PPM1L: variants seen among roughly 807,000 people sequenced by gnomAD.
The protein encoded by PPM1L is protein phosphatase 1L.
PPM1L carries 13 observed loss-of-function variants against 31.4 expected under a neutral mutation model. That is an observed-to-expected ratio of 0.41 (90% CI 0.27 to 0.66). The LOEUF is 0.66. Ranked by LOEUF, PPM1L falls within the 30% of genes least tolerant of loss-of-function variation. The pLI, the probability that PPM1L is intolerant of heterozygous loss-of-function variation, is 0.29. For synonymous variants in PPM1L, 184 were observed against 175.4 expected (o/e 1.05, Z -0.39); for missense variants, 326 against 453.7 (o/e 0.72, Z 2.56).
intron 1 of PPM1L, among the ~76,000 whole-genome samples, chr3:160,757,370 G>A (rs560622662): frequency 1.3e-5 from 2 of 152,392 alleles, no homozygotes; most frequent in African/African-American, 4.8e-5. Context: ...CCTTTGCAGA[G>A]GTGGCTATGC....
intron 1 of PPM1L, among the ~76,000 whole-genome samples, chr3:160,925,487 G>A (rs1009371796): frequency 3.3e-5 from 5 of 152,118 alleles, no homozygotes; most frequent in African/African-American, 1.2e-4. Context: ...ACAAAATTTA[G>A]AGTCTTGGAT....
intron 1 of PPM1L, among the ~76,000 whole-genome samples, chr3:160,916,764 AT>A (rs1714198602): frequency 6.6e-6 from 1 of 151,558 alleles, no homozygotes; most frequent in Admixed American, 6.6e-5. Flanking sequence ...TTCTTATTCC[AT>A]TTCTAGGTAT....
At chr3:160,941,445 G>A (rs1288892145) in intron 1 of PPM1L, among the ~76,000 whole-genome samples, 2 of 152,154 alleles carry the variant, frequency 1.3e-5, no homozygotes, top group African/African-American at 2.4e-5. Flanking sequence ...TTGTGAGAGG[G>A]ACCCCGCAGA....
At chr3:160,858,851 GT>G (rs1560128864) in intron 1 of PPM1L, among the ~76,000 whole-genome samples, 1 of 152,120 alleles carries the variant, frequency 6.6e-6, no homozygotes, top group Non-Finnish European at 1.5e-5. Context: ...GTAGACACTT[GT>G]TTTTTCTGCT....
intron 1 of PPM1L, among the ~76,000 whole-genome samples, chr3:160,865,033 A>G (rs926904894): frequency 2.6e-5 from 4 of 152,050 alleles, no homozygotes; most frequent in African/African-American, 9.7e-5. Context: ...ATGGTTTTTG[A>G]AAAAACAAAA....
intron 2 of PPM1L, among the ~76,000 whole-genome samples, chr3:160,963,901 C>A (rs1247407416): frequency 6.6e-6 from 1 of 151,982 alleles, no homozygotes; most frequent in African/African-American, 2.4e-5. Flanking sequence ...TAGAAATAAA[C>A]ACAAGATTGA....
chr3:160,773,840 T>G (rs1711504191), intron 1 of PPM1L, among the ~76,000 whole-genome samples: 1 of 152,158 alleles, frequency 6.6e-6, no homozygotes, highest in African/African-American at 2.4e-5. Flanking sequence ...ACCACCTCTC[T>G]TCCAGAGACT....
chr3:160,833,408 C>T (rs112792797), intron 1 of PPM1L, among the ~76,000 whole-genome samples: 4,643 of 152,222 alleles, frequency 0.031, 218 homozygotes, highest in African/African-American at 0.11. Context: ...AGTGTAAAAG[C>T]GTTCCTATTT....
chr3:160,976,025 C>T (rs1305464505), intron 2 of PPM1L, among the ~76,000 whole-genome samples: 1 of 137,210 alleles, frequency 7.3e-6, no homozygotes, highest in Non-Finnish European at 1.5e-5. Flanking sequence ...ATAGATAGCT[C>T]TTATTATTTT....
intron 1 of PPM1L, among the ~76,000 whole-genome samples, chr3:160,812,346 A>G (rs1712838636): frequency 6.6e-6 from 1 of 152,192 alleles, no homozygotes; most frequent in African/African-American, 2.4e-5. Context: ...AAGTAACTTT[A>G]GACAAGGGAT....
chr3:161,002,460 T>C (rs548805284), intron 2 of PPM1L, among the ~76,000 whole-genome samples: 1 of 152,242 alleles, frequency 6.6e-6, no homozygotes, highest in African/African-American at 2.4e-5. Flanking sequence ...ACCAACAGCG[T>C]AAAAGTGTTC....
intron 1 of PPM1L, among the ~76,000 whole-genome samples, chr3:160,821,545 C>T (rs1329661180): frequency 1.3e-5 from 2 of 151,968 alleles, no homozygotes; most frequent in Non-Finnish European, 2.9e-5. Context: ...GCTTAGCTGA[C>T]GTTTTAAAGA....
At position 161,047,882 on chromosome 3, in the gene PPM1L, A is replaced by G. The variant is rs145183334; in HGVS notation, c.575-17521A>G. Among the ~76,000 whole-genome samples, 183 of 152,372 alleles carry G rather than the reference A, an allele frequency of 1.2e-3. 1 individual carries two copies. The East Asian group carries it at 0.034, about 28-fold the overall frequency. On this transcript the variant is annotated intron_variant, in intron 2 of 3. Coordinates refer to ENST00000498165, the MANE Select transcript of PPM1L (RefSeq NM_139245.4). ...ATGGTGTTGGGAAAACTGGCTAGCCATATGTAGAAAGCTGAAACTGGATCC... is the reference window on the plus strand; with the variant it reads ...ATGGTGTTGGGAAAACTGGCTAGCCGTATGTAGAAAGCTGAAACTGGATCC...
intron 1 of PPM1L, among the ~76,000 whole-genome samples, chr3:160,914,030 AT>A (rs961460486): frequency 6.6e-6 from 1 of 152,062 alleles, no homozygotes; most frequent in Non-Finnish European, 1.5e-5. Context: ...TGGTTGTATC[AT>A]TTTTTTCTTA....
chr3:160,783,883 A>G (rs1339960759), intron 1 of PPM1L, among the ~76,000 whole-genome samples: 5 of 152,204 alleles, frequency 3.3e-5, no homozygotes, highest in Non-Finnish European at 7.4e-5. Flanking sequence ...AACTGAAGAA[A>G]TATCTGATAG....
At chr3:160,848,352 A>C (rs1182429474) in intron 1 of PPM1L, among the ~76,000 whole-genome samples, 1 of 151,962 alleles carries the variant, frequency 6.6e-6, no homozygotes, top group Admixed American at 6.6e-5. Flanking sequence ...GTCAACAACA[A>C]CCCAGGGTCC....
intron 2 of PPM1L, among the ~76,000 whole-genome samples, chr3:160,989,906 C>A (rs1717076231): frequency 6.6e-6 from 1 of 152,166 alleles, no homozygotes; most frequent in South Asian, 2.1e-4. Context: ...CTCAAGCAAT[C>A]CTCCTGCCTT....
chr3:160,808,758 G>A (rs141593288), intron 1 of PPM1L, among the ~76,000 whole-genome samples: 54 of 152,314 alleles, frequency 3.5e-4, no homozygotes, highest in Middle Eastern at 3.4e-3. Flanking sequence ...AGTTAGTCTA[G>A]TGCACTCAGC....
intron 1 of PPM1L, among the ~76,000 whole-genome samples, chr3:160,760,079 G>T (rs1714929233): frequency 6.6e-6 from 1 of 152,150 alleles, no homozygotes; most frequent in Non-Finnish European, 1.5e-5. Flanking sequence ...TCTCTATGAA[G>T]ATGTATGTAG....
Sources: allele counts gnomAD v4.1 joint callset (sites outside exome capture counted in the v4.1 genomes callset), GRCh38; gene constraint gnomAD v4.1.1; transcripts MANE v1.5; gene names NCBI Gene and HGNC (gene_info 2026-07-23, HGNC 2026-07-21).